RPE65: variants seen among roughly 807,000 people sequenced by gnomAD.
The protein encoded by RPE65 is retinoid isomerohydrolase RPE65.
In RPE65, 58 loss-of-function variants were observed where a neutral mutation model predicts 68.5. The ratio of observed to expected loss-of-function variants is 0.85; its 90% confidence interval spans 0.69 to 1.05. The LOEUF (loss-of-function observed/expected upper bound fraction) is 1.05, where lower values mean the gene tolerates loss of function less well. Among genes scored for constraint, RPE65 ranks in the 50% least tolerant of loss-of-function variants. RPE65 has a pLI of 0.00. For missense variants in RPE65, 643 were observed against 629.9 expected (o/e 1.02, Z -0.22); for synonymous variants, 220 against 222.2 (o/e 0.99, Z 0.09).
chr1:68,444,559 T>A lies in RPE65; in HGVS notation c.467A>T (p.Asn156Ile). The A allele has an allele frequency of 6.2e-7, 1 of 1,614,200 alleles. No individual in the cohort carries two copies. The change falls in exon 5 of 14, where the codon AAT becomes ATT. Residue 156 changes from asparagine (N) to isoleucine (I), a missense_variant. Physicochemically the swap from Asn to Ile is moderately radical, Grantham distance 149. Coordinates refer to ENST00000262340, the MANE Select transcript of RPE65 (RefSeq NM_000329.3). ...CTTAATTGTCTCCAAGGTCTCTGGA[T>A]TAATCTTTGTAATAAAGTTGGTCTC... ...CTETNFITKI[N>I]PETLETIKQV...
intron 9 of RPE65, among the ~76,000 whole-genome samples, chr1:68,438,631 T>C (rs1196004320): frequency 6.6e-6 from 1 of 152,182 alleles, no homozygotes; most frequent in African/African-American, 2.4e-5. Flanking sequence ...CGCATGTCTT[T>C]TTCTCCCTTC....
chr1:68,448,512 C>G (rs991764332), intron 2 of RPE65, 112 bp downstream of exon 2: 2 of 948,078 alleles, frequency 2.1e-6, no homozygotes, highest in Non-Finnish European at 3.4e-6. Flanking sequence ...CCACCTGATC[C>G]CTCTCCCTGT....
chr1:68,446,199 T>A (rs1329604016), intron 3 of RPE65, among the ~76,000 whole-genome samples: 1 of 152,102 alleles, frequency 6.6e-6, no homozygotes, highest in African/African-American at 2.4e-5. Context: ...CTTCACTACT[T>A]TGTGGCAGCC....
chr1:68,438,916 C>G, intron 9 of RPE65, 26 bp downstream of exon 9: 1 of 1,613,892 alleles, frequency 6.2e-7, no homozygotes, highest in East Asian at 2.2e-5. Flanking sequence ...TGGGAGGTGT[C>G]CCATTTGTCC....
In RPE65 at chr1:68,441,105, T is replaced by A. The variant is rs1645899618; in HGVS notation, c.496-105A>T. The A allele has an allele frequency of 6.1e-6, 8 of 1,320,470 alleles. No individual in the cohort carries two copies. The Admixed American group carries it at 1.2e-4, about 20-fold the overall frequency. 81.8% of individuals were successfully genotyped at this position (1,320,470 alleles called of 1,614,324 possible). A position where few individuals can be genotyped will look rare whatever the true frequency, so the allele number is the denominator to read the frequency against. On this transcript the variant is annotated intron_variant, in intron 5 of 13. Transcript: ENST00000262340. ...CTACCCCTTGAACTCTCATCCTAAG[T>A]GCACTTCTCTTTCTTCCCATCTCTC...
At chr1:68,441,766 C>A (rs931457373) in intron 5 of RPE65, among the ~76,000 whole-genome samples, 1 of 152,112 alleles carries the variant, frequency 6.6e-6, no homozygotes, top group African/African-American at 2.4e-5. Flanking sequence ...TGAATAATTA[C>A]TGGAATATAT....
intron 9 of RPE65, among the ~76,000 whole-genome samples, 189 bp from the exon 10 acceptor site, chr1:68,438,505 T>C (rs12083082): frequency 1.3e-5 from 2 of 152,148 alleles, no homozygotes; most frequent in South Asian, 2.1e-4. Context: ...ACCTGCTTAA[T>C]GGATTTGTTT....
chr1:68,446,939 C>T (rs1645947135), intron 2 of RPE65, 79 bp from the exon 3 acceptor site: 1 of 1,590,986 alleles, frequency 6.3e-7, no homozygotes, highest in African/African-American at 1.3e-5. Context: ...CAGAGTATAT[C>T]AGCAGCCTGA....
At chr1:68,449,443 C>T (rs1365955775) in intron 1 of RPE65, among the ~76,000 whole-genome samples, 2 of 152,090 alleles carry the variant, frequency 1.3e-5, no homozygotes, top group Non-Finnish European at 1.5e-5. Context: ...TAATAATTAC[C>T]TTTTACTAAA....
Position 68,438,942 on chromosome 1 carries a change from C to A in RPE65, c.998G>T (p.Gly333Val), listed in dbSNP as rs1173207597. 6.2e-7 allele frequency: 1 copy of A among 1,613,920 alleles called. No individual in the cohort carries two copies. Residue 333 changes from glycine to valine, a missense_variant and splice_region_variant, in exon 9 of 14, where the codon GGA (glycine) becomes GTA (valine). Coordinates refer to ENST00000262340, the MANE Select transcript of RPE65 (RefSeq NM_000329.3). ...FLIVDLCCWK[G>V]FEFVYNYLYL... Reference sequence around the variant, plus strand: ...CCATTTGTCCAGTGTCCTTTCTTACCCTTTCCAGCAGCAGAGATCCACAAT... The same window carrying A: ...CCATTTGTCCAGTGTCCTTTCTTACACTTTCCAGCAGCAGAGATCCACAAT...
At chr1:68,437,539 C>T (rs151119890) in intron 10 of RPE65, among the ~76,000 whole-genome samples, 11 of 152,238 alleles carry the variant, frequency 7.2e-5, no homozygotes, top group East Asian at 3.9e-4. Flanking sequence ...AACCAGGGAG[C>T]AAATAGATAT....
At position 68,434,178 on chromosome 1, in the gene RPE65, T is replaced by A. The variant is rs553632462; in HGVS notation, c.1129-2593A>T. On this transcript the variant is annotated intron_variant, in intron 10 of 13. Transcript: ENST00000262340. ...GGCTATATGATTAGATAAAATGAGATGAAAACTTAGGGAATTTTAAGGGTG... is the reference window on the plus strand; with the variant it reads ...GGCTATATGATTAGATAAAATGAGAAGAAAACTTAGGGAATTTTAAGGGTG... 4.6e-5 allele frequency among the ~76,000 whole-genome samples: 7 copies of A among 150,708 alleles called. No homozygotes were observed. In the South Asian group the frequency reaches 1.5e-3, roughly 32 times the overall value.
intron 3 of RPE65, among the ~76,000 whole-genome samples, chr1:68,445,291 C>T (rs1037327675): frequency 2.0e-5 from 3 of 152,114 alleles, no homozygotes; most frequent in East Asian, 1.9e-4. Context: ...GGGAAAATTC[C>T]GGACATGGTG....
Position 68,439,601 on chromosome 1 carries a change from A to AT in RPE65, c.684dup (p.Phe229IlefsTer5). ...GGCTTGAATCGGTCACTGCAGGGGA[A>AT]TTGTACAACGATCTCTGACTTGCTT... On this transcript the variant is annotated frameshift_variant, in exon 7 of 14. Coordinates refer to ENST00000262340, the MANE Select transcript of RPE65 (RefSeq NM_000329.3). LOFTEE classifies it high-confidence loss of function. The AT allele has an allele frequency of 6.2e-7, 1 of 1,613,930 alleles. No individual in the cohort carries two copies. Among genetic ancestry groups the AT allele is most frequent in the Non-Finnish European group, 8.5e-7 (1 of 1,179,814 alleles).
At chr1:68,441,985 C>T (rs1336566741) in intron 5 of RPE65, among the ~76,000 whole-genome samples, 3 of 152,112 alleles carry the variant, frequency 2.0e-5, no homozygotes, top group East Asian at 1.9e-4. Flanking sequence ...ATTCTAGACC[C>T]GTGCTGTTCT....
Position 68,440,900 on chromosome 1 carries a change from T to A in RPE65, c.596A>T (p.Asn199Ile). Residue 199 changes from asparagine (N) to isoleucine (I), a missense_variant, in exon 6 of 14, where the codon AAT becomes ATT. Coordinates refer to ENST00000262340, the MANE Select transcript of RPE65 (RefSeq NM_000329.3). The part of the protein sequence containing the change: ...VYNIGNCFGK[N>I]FSIAYNIVKI... ...TACAATGTTGTAGGCAATTGAAAAA[T>A]TTTTTCCAAAGCAATTACCAATATT... The A allele has an allele frequency of 6.2e-7, 1 of 1,613,928 alleles. No individual in the cohort carries two copies.
At position 68,449,890 on chromosome 1, in the gene RPE65, C is replaced by T. The variant is rs61751276; in HGVS notation, c.11+5G>A. 251 of 1,613,986 alleles carry T rather than the reference C, an allele frequency of 1.6e-4. No individual in the cohort carries two copies. Among genetic ancestry groups the T allele is most frequent in the Non-Finnish European group, 2.0e-4 (240 of 1,179,954 alleles). On this transcript the variant is annotated splice_donor_5th_base_variant and intron_variant, in intron 1 of 13. Coordinates refer to ENST00000262340, the MANE Select transcript of RPE65 (RefSeq NM_000329.3). ...GTTTTAAAAAAGTCTCCCAGAGATA[C>T]TTACTGGATAGACATTTTCTTCCAG... is the stretch of plus-strand genomic sequence containing the variant.
Position 68,440,942 on chromosome 1 carries a change from T to C in RPE65, c.554A>G (p.Asn185Ser). Residue 185 changes from asparagine (N) to serine (S), a missense_variant, in exon 6 of 14, where the codon AAT becomes AGT. By Grantham distance (46) the Asn-to-Ser change is conservative (BLOSUM62 1). Transcript: ENST00000262340. The part of the protein sequence containing the change: ...NGATAHPHIE[N>S]DGTVYNIGNC... Reference sequence around the variant, plus strand: ...ACCAATATTGTAAACGGTTCCATCATTTTCAATGTGGGGGTGAGCAGTGGC... The same window carrying C: ...ACCAATATTGTAAACGGTTCCATCACTTTCAATGTGGGGGTGAGCAGTGGC... The C allele has an allele frequency of 6.2e-7, 1 of 1,614,052 alleles. No individual in the cohort carries two copies. The highest frequency in any genetic ancestry group is 1.1e-5 in the South Asian group (1 of 91,076).
chr1:68,438,238 C>T lies in RPE65; in HGVS notation c.1077G>A (p.Lys359=), dbSNP rs559544081. The change falls in exon 10 of 14, where the codon AAG becomes AAA. Residue 359 remains lysine, a synonymous_variant. Coordinates refer to ENST00000262340, the MANE Select transcript of RPE65 (RefSeq NM_000329.3). The part of the protein sequence containing the change: ...NWEEVKKNAR[K]APQPEVRRYV... ...ATCTCCTAACTTCAGGTTGGGGAGC[C>T]TTTCTGGCATTTTTTTTCACCTCTT... The T allele has an allele frequency of 1.9e-6, 3 of 1,613,896 alleles. No homozygotes were observed. In the South Asian group the frequency reaches 3.3e-5, roughly 18 times the overall value.
Sources: gnomAD v4.1 joint callset for allele counts (sites outside exome capture counted in the v4.1 genomes callset) on GRCh38, gnomAD v4.1.1 for gene constraint, MANE v1.5 for transcripts, NCBI Gene and HGNC (gene_info 2026-07-23, HGNC 2026-07-21) for gene names.